ANGPT1: variants seen among roughly 807,000 people sequenced by gnomAD.
The protein encoded by ANGPT1 is angiopoietin-1.
Under a neutral mutation model 62.2 loss-of-function variants are expected in ANGPT1, and 17 were observed. The observed-to-expected ratio is 0.27, with a 90% confidence interval of 0.19 to 0.41. The LOEUF is 0.41. Among genes scored for constraint, ANGPT1 ranks in the 10% least tolerant of loss-of-function variants. The pLI, the probability that ANGPT1 is intolerant of heterozygous loss-of-function variation, is 1.00. For synonymous variants in ANGPT1, 199 were observed against 198.9 expected, an observed-to-expected ratio of 1.00 and a Z score of 0.00; for missense variants, 478 against 594.9, an observed-to-expected ratio of 0.80 and a Z score of 2.04.
At chr8:107,397,118 C>T (rs567922739) in intron 1 of ANGPT1, among the ~76,000 whole-genome samples, 1 of 152,248 alleles carries the variant, frequency 6.6e-6, no homozygotes, top group South Asian at 2.1e-4. Flanking sequence ...TCAATTTCTT[C>T]AGTAATGACA....
At chr8:107,423,517 G>T (rs1194017586) in intron 1 of ANGPT1, among the ~76,000 whole-genome samples, 3 of 152,070 alleles carry the variant, frequency 2.0e-5, no homozygotes, top group South Asian at 2.1e-4. Context: ...TGGTCTGTTG[G>T]AACTGCATCA....
intron 1 of ANGPT1, among the ~76,000 whole-genome samples, chr8:107,457,990 T>C (rs764431180): frequency 2.6e-5 from 4 of 152,018 alleles, no homozygotes; most frequent in Non-Finnish European, 5.9e-5. Flanking sequence ...TAAAAAAATA[T>C]TATGATCATA....
rs575788836 is a variant in ANGPT1, at chr8:107,390,118, A to C, written c.298-43021T>G. ...AAATACAACAAAAGGTGAATTACCCATAATAATTTTTAACACATCATTCAC... is the reference window on the plus strand; with the variant it reads ...AAATACAACAAAAGGTGAATTACCCCTAATAATTTTTAACACATCATTCAC... On this transcript the variant is annotated intron_variant, in intron 1 of 8. Coordinates refer to ENST00000517746, the MANE Select transcript of ANGPT1 (RefSeq NM_001146.5). Among the ~76,000 whole-genome samples, 8 of 152,292 alleles carry C rather than the reference A, an allele frequency of 5.3e-5. No homozygotes were observed. The East Asian group carries it at 1.5e-3, about 29-fold the overall frequency.
In ANGPT1 at chr8:107,381,027, A is replaced by C. The variant is rs372768761; in HGVS notation, c.298-33930T>G. Among the ~76,000 whole-genome samples, 16 of 152,294 alleles carry C rather than the reference A, an allele frequency of 1.1e-4. No individual in the cohort carries two copies. The South Asian group carries it at 3.3e-3, about 32-fold the overall frequency. On this transcript the variant is annotated intron_variant, in intron 1 of 8. Transcript: ENST00000517746. ...AGGCCTGAAGTTTAGATAAGTGGAG[A>C]CTGTAGAAAAGTTCAATTCTTCCTG...
chr8:107,284,952 A>G, intron 6 of ANGPT1, 104 bp from the exon 7 acceptor site: 2 of 986,954 alleles, frequency 2.0e-6, no homozygotes, highest in Admixed American at 3.8e-5. Context: ...ATTAAAAAGT[A>G]AAGGTTTTTG....
At chr8:107,469,732 T>A (rs1812295447) in intron 1 of ANGPT1, among the ~76,000 whole-genome samples, 1 of 152,048 alleles carries the variant, frequency 6.6e-6, no homozygotes, top group Non-Finnish European at 1.5e-5. Context: ...CCCTACTTTA[T>A]GCAATTTTAT....
intron 1 of ANGPT1, among the ~76,000 whole-genome samples, chr8:107,458,423 A>G (rs1811979481): frequency 1.3e-5 from 2 of 152,210 alleles, no homozygotes; most frequent in Non-Finnish European, 2.9e-5. Context: ...ATTATTTGAC[A>G]TAATTATGGG....
chr8:107,431,730 C>G (rs1811191792), intron 1 of ANGPT1, among the ~76,000 whole-genome samples: 1 of 79,914 alleles, frequency 1.3e-5, no homozygotes, highest in Admixed American at 1.4e-4. Flanking sequence ...GGAAACTACT[C>G]TGTCTTTTTT....
At chr8:107,294,478 A>T (rs1483328992) in intron 5 of ANGPT1, 1 of 153,038 alleles carries the variant, frequency 6.5e-6, no homozygotes, top group African/African-American at 2.4e-5. Context: ...AAGAATAAAA[A>T]ATTTTTAAAA....
chr8:107,470,901 T>C (rs1438015261), intron 1 of ANGPT1, among the ~76,000 whole-genome samples: 1 of 152,106 alleles, frequency 6.6e-6, no homozygotes, highest in Non-Finnish European at 1.5e-5. Flanking sequence ...AAACAACAGA[T>C]GCTGGAGAGG....
intron 4 of ANGPT1, among the ~76,000 whole-genome samples, chr8:107,305,926 TTTTTATTATATACTACGG>T (rs1814704231): frequency 6.6e-6 from 1 of 152,046 alleles, no homozygotes; most frequent in African/African-American, 2.4e-5. Flanking sequence ...ACCTTTGGTA[TTTTTATTATATACTACGG>T]TTTGAATAAG....
intron 1 of ANGPT1, among the ~76,000 whole-genome samples, chr8:107,468,937 C>G (rs568189026): frequency 1.3e-5 from 2 of 151,980 alleles, no homozygotes; most frequent in African/African-American, 4.8e-5. Flanking sequence ...TAGTTGCATG[C>G]TTGAAGCAAG....
chr8:107,276,081 G>C (rs147247775), intron 7 of ANGPT1, among the ~76,000 whole-genome samples: 1 of 152,104 alleles, frequency 6.6e-6, no homozygotes, highest in East Asian at 1.9e-4. Flanking sequence ...GTGCTCATCC[G>C]TGCCTCTGAA....
intron 4 of ANGPT1, among the ~76,000 whole-genome samples, chr8:107,314,851 T>C (rs766434091): frequency 6.6e-6 from 1 of 152,222 alleles, no homozygotes; most frequent in Non-Finnish European, 1.5e-5. Context: ...TTTATATGAC[T>C]GACATTCAAA....
In ANGPT1 at chr8:107,346,999, G is replaced by T. The variant is rs749711766; in HGVS notation, c.396C>A (p.Thr132=). The T allele has an allele frequency of 1.9e-6, 3 of 1,613,862 alleles. No individual in the cohort carries two copies. In the South Asian group the frequency reaches 3.3e-5, roughly 18 times the overall value. The change falls in exon 2 of 9, where the codon ACC becomes ACA. Residue 132 remains threonine (T), a synonymous_variant. Coordinates refer to ENST00000517746, the MANE Select transcript of ANGPT1 (RefSeq NM_001146.5). ...GCTCTGCAGTCTGAGAGAGGAGGCT[G>T]GTTCCTATCTCCAGCATGGTAGCCG... The part of the protein sequence containing the change: ...NHTATMLEIG[T]SLLSQTAEQT...
At chr8:107,296,210 C>T (rs565075439) in intron 5 of ANGPT1, among the ~76,000 whole-genome samples, 6 of 152,112 alleles carry the variant, frequency 3.9e-5, no homozygotes, top group South Asian at 4.2e-4. Context: ...GGTCAAAGAA[C>T]GGGCTTTGGT....
At chr8:107,279,128 C>G (rs1813935222) in intron 7 of ANGPT1, among the ~76,000 whole-genome samples, 1 of 152,062 alleles carries the variant, frequency 6.6e-6, no homozygotes. Context: ...ATTTTTAAAG[C>G]ATTTATTGTT....
chr8:107,357,674 C>G (rs1288076543), intron 1 of ANGPT1, among the ~76,000 whole-genome samples: 1 of 152,092 alleles, frequency 6.6e-6, no homozygotes, highest in Non-Finnish European at 1.5e-5. Context: ...TAAAAGAAAT[C>G]TTCTGCATTC....
chr8:107,431,739 T>C (rs1182530627), intron 1 of ANGPT1, among the ~76,000 whole-genome samples: 1 of 152,150 alleles, frequency 6.6e-6, no homozygotes, highest in Non-Finnish European at 1.5e-5. Flanking sequence ...TCTGTCTTTT[T>C]TTTTTTTATC....
Sources: allele counts gnomAD v4.1 joint callset (sites outside exome capture counted in the v4.1 genomes callset), GRCh38; gene constraint gnomAD v4.1.1; transcripts MANE v1.5; gene names NCBI Gene and HGNC (gene_info 2026-07-23, HGNC 2026-07-21).